ARHGEF28: variants seen among roughly 807,000 people sequenced by gnomAD.
The protein encoded by ARHGEF28 is 190 kDa guanine nucleotide exchange factor.
Under a neutral mutation model 206.6 loss-of-function variants are expected in ARHGEF28, and 152 were observed. The ratio of observed to expected loss-of-function variants is 0.74; its 90% confidence interval spans 0.64 to 0.84. The LOEUF (loss-of-function observed/expected upper bound fraction) is 0.84. Among genes scored for constraint, ARHGEF28 ranks in the 40% least tolerant of loss-of-function variants. The pLI, the probability that ARHGEF28 is intolerant of heterozygous loss-of-function variation, is 0.00. For missense variants in ARHGEF28, 2,028 were observed against 2,073.2 expected (o/e 0.98, Z 0.42); for synonymous variants, 763 against 776.4 (o/e 0.98, Z 0.29).
chr5:73,774,074 G>A (rs1753402719), intron 5 of ARHGEF28, 36 bp downstream of exon 5: 1 of 1,511,016 alleles, frequency 6.6e-7, no homozygotes, highest in Non-Finnish European at 8.9e-7. Context: ...TCTCTTATTT[G>A]TATAAAGTCG....
chr5:73,898,249 A>C (rs1382852599), intron 30 of ARHGEF28, 156 bp downstream of exon 30: 1 of 866,152 alleles, frequency 1.2e-6, no homozygotes, highest in Non-Finnish European at 1.7e-6. Flanking sequence ...TGCTAGCCTA[A>C]ATGAATATCA....
chr5:73,791,767 C>T (rs1754497631), intron 7 of ARHGEF28, among the ~76,000 whole-genome samples: 1 of 151,980 alleles, frequency 6.6e-6, no homozygotes, highest in Admixed American at 6.6e-5. Context: ...ATCTCTTGTT[C>T]CATTATAGTT....
intron 35 of ARHGEF28, among the ~76,000 whole-genome samples, chr5:73,928,307 G>A (rs539210707): frequency 2.0e-5 from 3 of 152,154 alleles, no homozygotes; most frequent in African/African-American, 4.8e-5. Context: ...TCCCAGCTAC[G>A]TGGGAGGCTG....
At position 73,774,005 on chromosome 5, in the gene ARHGEF28, A is replaced by G; in HGVS notation, c.626A>G (p.Glu209Gly). 1 of 1,603,758 alleles carries G rather than the reference A, an allele frequency of 6.2e-7. No individual in the cohort carries two copies. The highest frequency in any genetic ancestry group is 8.5e-7 in the Non-Finnish European group (1 of 1,174,864). The change falls in exon 5 of 36, where the codon GAA (glutamate) becomes GGA (glycine). Residue 209 changes from glutamate to glycine, a missense_variant. By Grantham distance (98) the Glu-to-Gly change is moderately conservative. This residue lies in a region of ARHGEF28 where 1,002 missense variants were observed against 1,015.3 expected (regional missense o/e 0.99). Transcript: ENST00000513042. ...ACACCATTAGACTTAGCTTTACGTG[A>G]AGGACACTCCAAGCTGGTGGAAGAC... is the stretch of plus-strand genomic sequence containing the variant. ...GATPLDLALR[E>G]GHSKLVEDVT...
At chr5:73,673,874 G>A (rs918354409) in intron 1 of ARHGEF28, among the ~76,000 whole-genome samples, 1 of 152,002 alleles carries the variant, frequency 6.6e-6, no homozygotes, top group African/African-American at 2.4e-5. Flanking sequence ...CTAAAGTCAT[G>A]CAATTAAGAC....
chr5:73,688,669 T>G (rs1165833911), intron 2 of ARHGEF28, among the ~76,000 whole-genome samples: 3 of 152,124 alleles, frequency 2.0e-5, no homozygotes, highest in South Asian at 4.2e-4. Flanking sequence ...CTGGAAGGCT[T>G]TTTTTTGAGA....
In ARHGEF28 at chr5:73,840,701, G is replaced by T; in HGVS notation, c.1368G>T (p.Leu456Phe). ...MSPSSSCASN[L>F]NLSFGWHGFE... ...CATCAAGTTCGTGTGCTTCCAACTT[G>T]AATCTTTCTTTTGGTTGGCATGGAT... Residue 456 changes from leucine (L) to phenylalanine (F), a missense_variant, in exon 11 of 36, where the codon TTG (leucine) becomes TTT (phenylalanine). Around this residue, in one of 3 missense-constraint regions of ARHGEF28, gnomAD observed 1,002 missense variants for 1,015.3 expected, o/e 0.99. Transcript: ENST00000513042. The T allele has an allele frequency of 6.2e-7, 1 of 1,612,492 alleles. No homozygotes were observed.
At chr5:73,839,581 T>C (rs1757861181) in intron 10 of ARHGEF28, among the ~76,000 whole-genome samples, 1 of 152,158 alleles carries the variant, frequency 6.6e-6, no homozygotes, top group Non-Finnish European at 1.5e-5. Context: ...TTTTCATGCA[T>C]GTGGGTTGAG....
intron 4 of ARHGEF28, among the ~76,000 whole-genome samples, chr5:73,761,904 C>T (rs1197630304): frequency 6.6e-6 from 1 of 151,826 alleles, no homozygotes; most frequent in Admixed American, 6.6e-5. Flanking sequence ...CTGTATTGCC[C>T]AGGCTGGTCT....
intron 27 of ARHGEF28, 136 bp from the exon 28 acceptor site, chr5:73,893,061 G>T: frequency 1.6e-6 from 1 of 636,490 alleles, no homozygotes; most frequent in Non-Finnish European, 2.6e-6. Context: ...TGGCCAGGGG[G>T]GATGATGCAT....
chr5:73,730,897 C>T (rs991588798), intron 2 of ARHGEF28, among the ~76,000 whole-genome samples: 2 of 151,660 alleles, frequency 1.3e-5, no homozygotes, highest in African/African-American at 2.4e-5. Flanking sequence ...TTTAATTAAA[C>T]AGTTGAAAAC....
intron 7 of ARHGEF28, among the ~76,000 whole-genome samples, chr5:73,792,477 T>C (rs1391634608): frequency 3.3e-5 from 5 of 152,192 alleles, no homozygotes; most frequent in African/African-American, 9.7e-5. Flanking sequence ...AAATGCTGTA[T>C]GTACAGAATT....
At chr5:73,648,441 A>G (rs911738244) in intron 1 of ARHGEF28, among the ~76,000 whole-genome samples, 1 of 152,222 alleles carries the variant, frequency 6.6e-6, no homozygotes, top group Non-Finnish European at 1.5e-5. Context: ...AAATCTATTA[A>G]TGTCAGAAGA....
chr5:73,829,413 C>T (rs1200075691), intron 9 of ARHGEF28, among the ~76,000 whole-genome samples: 1 of 151,962 alleles, frequency 6.6e-6, no homozygotes, highest in East Asian at 1.9e-4. Flanking sequence ...TGGAATCTCA[C>T]TCTGTCGCCA....
chr5:73,775,554 G>A (rs1212593416), intron 5 of ARHGEF28, among the ~76,000 whole-genome samples: 1 of 152,166 alleles, frequency 6.6e-6, no homozygotes, highest in Non-Finnish European at 1.5e-5. Flanking sequence ...ATCTGATGGA[G>A]ATAACATTTC....
At position 73,849,043 on chromosome 5, in the gene ARHGEF28, A is replaced by G. The variant is rs774963048; in HGVS notation, c.1703A>G (p.Lys568Arg). 1.3e-6 allele frequency: 2 copies of G among 1,577,972 alleles called. No homozygotes were observed. Among genetic ancestry groups the G allele is most frequent in the Non-Finnish European group, 1.7e-6 (2 of 1,159,758 alleles). Residue 568 changes from lysine (K) to arginine (R), a missense_variant, in exon 13 of 36, where the codon AAA (lysine) becomes AGA (arginine). Physicochemically the swap from Lys to Arg is conservative, Grantham distance 26. Coordinates refer to ENST00000513042, the MANE Select transcript of ARHGEF28 (RefSeq NM_001177693.2). ...TCATCACCCAAAATTTCTTTAGGAA[A>G]AACTCGTTTGGTGCGTGAATTAACA... ...SCSSPKISLGKTRLVRELTVC... is the reference protein window; with the variant it reads ...SCSSPKISLGRTRLVRELTVC...
At chr5:73,633,361 G>A (rs1161165041) in intron 1 of ARHGEF28, among the ~76,000 whole-genome samples, 1 of 152,054 alleles carries the variant, frequency 6.6e-6, no homozygotes, top group East Asian at 1.9e-4. Context: ...GACACCTCAT[G>A]GTTAAGATTA....
At chr5:73,886,578 C>A (rs1317647800) in intron 25 of ARHGEF28, among the ~76,000 whole-genome samples, 1 of 152,202 alleles carries the variant, frequency 6.6e-6, no homozygotes, top group Non-Finnish European at 1.5e-5. Flanking sequence ...GTGGTTTAAG[C>A]TTTTCCTCAG....
chr5:73,755,161 TATAG>T (rs2112409006), intron 4 of ARHGEF28, among the ~76,000 whole-genome samples: 1 of 151,640 alleles, frequency 6.6e-6, no homozygotes, highest in South Asian at 2.1e-4. Context: ...TCTACATTAA[TATAG>T]ATATAGTATA....
Sources: gnomAD v4.1 joint callset for allele counts (sites outside exome capture counted in the v4.1 genomes callset) on GRCh38, gnomAD v4.1.1 for gene constraint, gnomAD v4.1.1 regional missense constraint, MANE v1.5 for transcripts, NCBI Gene and HGNC (gene_info 2026-07-23, HGNC 2026-07-21) for gene names.